Variants in ACTR8 observed in about 807,000 individuals in gnomAD.
ACTR8 encodes actin related protein 8.
ACTR8 carries 70 observed loss-of-function variants against 84.3 expected under a neutral mutation model. The ratio of observed to expected loss-of-function variants is 0.83; its 90% CI spans 0.68 to 1.01. The LOEUF is 1.01. ACTR8 is among the 50% of genes least tolerant of loss of function. The pLI, the probability that ACTR8 is intolerant of heterozygous loss-of-function variation, is 0.00. For missense variants in ACTR8, 672 were observed against 775.4 expected, an observed-to-expected ratio of 0.87 and a Z score of 1.58; for synonymous variants, 268 against 275.2, an observed-to-expected ratio of 0.97 and a Z score of 0.26.
At chr3:53,871,210 C>G in intron 11 of ACTR8, 22 bp downstream of exon 11, 3 of 1,599,184 alleles carry the variant, frequency 1.9e-6, no homozygotes, top group Non-Finnish European at 2.6e-6. Flanking sequence ...TGCTATCTCC[C>G]GGTCTCCCCA....
At position 53,870,218 on chromosome 3, in the gene ACTR8, C is replaced by G; in HGVS notation, c.1568-73G>C. Reference sequence around the variant, plus strand: ...ATTCTAGGCCAAGCCACCAACACCTCTTGCTTGAGCAAGTGCAATAGCCTT... The same window carrying G: ...ATTCTAGGCCAAGCCACCAACACCTGTTGCTTGAGCAAGTGCAATAGCCTT... On this transcript the variant is annotated intron_variant, in intron 11 of 12. Transcript: ENST00000335754. This position sits in a 1 kb window ranked among gnomAD's most constrained non-coding sequence, Gnocchi z 4.1. The G allele has an allele frequency of 6.5e-7, 1 of 1,548,426 alleles. No individual in the cohort carries two copies. Among genetic ancestry groups the G allele is most frequent in the South Asian group, 1.2e-5 (1 of 83,466 alleles).
Position 53,874,341 on chromosome 3 carries a change from G to C in ACTR8, c.935C>G (p.Ser312Cys). The C allele has an allele frequency of 6.2e-7, 1 of 1,614,008 alleles. No homozygotes were observed. Among genetic ancestry groups the C allele is most frequent in the Non-Finnish European group, 8.5e-7 (1 of 1,179,964 alleles). ...NTRLCLAYGG[S>C]DVSRCFYWLM... is the part of the protein sequence containing the mutation. The stretch of plus-strand genomic sequence containing the variant: ...CCAGTAAAAACATCTTGACACATCA[G>C]ATCCTCCGTATGCCAGACAAAGCCT... The change falls in exon 8 of 13, where the codon TCT (serine) becomes TGT (cysteine). Residue 312 changes from serine to cysteine, a missense_variant. Physicochemically the swap from Ser to Cys is moderately radical, Grantham distance 112. Transcript: ENST00000335754.
chr3:53,861,881 G>A, the ACTR8 span, among the ~76,000 whole-genome samples: 1 of 152,208 alleles, frequency 6.6e-6, no homozygotes, highest in African/African-American at 2.4e-5. Flanking sequence ...TAGTAAGGAA[G>A]AGAAGCATGC....
intron 8 of ACTR8, among the ~76,000 whole-genome samples, chr3:53,873,552 A>C (rs1699920719): frequency 6.6e-6 from 1 of 152,250 alleles, no homozygotes; most frequent in African/African-American, 2.4e-5. Context: ...ATATTAAGAA[A>C]GTGCTTCAAA....
At chr3:53,872,331 A>C in intron 10 of ACTR8, 53 bp downstream of exon 10, 2 of 1,501,586 alleles carry the variant, frequency 1.3e-6, no homozygotes, top group Non-Finnish European at 1.8e-6. Flanking sequence ...CTCTGGACAA[A>C]TTTCTCCTTC....
chr3:53,880,177 C>A, intron 1 of ACTR8, 68 bp from the exon 2 acceptor site: 1 of 1,474,240 alleles, frequency 6.8e-7, no homozygotes, highest in Non-Finnish European at 9.3e-7. Flanking sequence ...AAACAACATA[C>A]ACATAACAAG....
Position 53,876,090 on chromosome 3 carries a change from GA to G in ACTR8, c.779-11del, listed in dbSNP as rs1553706741. 1.9e-5 allele frequency: 30 copies of G among 1,589,314 alleles called. No individual in the cohort carries two copies. The highest frequency in any genetic ancestry group is 7.8e-5 in the South Asian group (7 of 89,970). On this transcript the variant is annotated splice_polypyrimidine_tract_variant and intron_variant, in intron 6 of 12. Coordinates refer to ENST00000335754, the MANE Select transcript of ACTR8 (RefSeq NM_022899.5). ...TGATGGACCACAATCCCTGGGGGGGGAAAAGAAAAGGCAGAGTAGTCATTAG... is the reference window on the plus strand; with the variant it reads ...TGATGGACCACAATCCCTGGGGGGGGAAAGAAAAGGCAGAGTAGTCATTAG...
At chr3:53,880,258 G>T in intron 1 of ACTR8, 149 bp from the exon 2 acceptor site, 1 of 761,290 alleles carries the variant, frequency 1.3e-6, no homozygotes, top group Non-Finnish European at 2.1e-6. Flanking sequence ...TCCAATTACC[G>T]CTCTCTACCT....
chr3:53,877,650 T>G lies in ACTR8; in HGVS notation c.507A>C (p.Glu169Asp). ...CTATTGTAAAGAAGTTTCTTACCTC[T>G]TCTCCTACTAAATACTCAGGGTGAT... Reference protein sequence around the residue: ...TSHHPEYLVGEEALYVNPLDC... With the variant: ...TSHHPEYLVGDEALYVNPLDC... Residue 169 changes from glutamate to aspartate, a missense_variant, in exon 4 of 13, where the codon GAA (glutamate) becomes GAC (aspartate). Glu to Asp is a conservative substitution (Grantham distance 45). Coordinates refer to ENST00000335754, the MANE Select transcript of ACTR8 (RefSeq NM_022899.5). 2 of 1,612,488 alleles carry G rather than the reference T, an allele frequency of 1.2e-6. No homozygotes were observed. Among genetic ancestry groups the G allele is most frequent in the Non-Finnish European group, 8.5e-7 (1 of 1,178,892 alleles).
At position 53,876,703 on chromosome 3, in the gene ACTR8, C is replaced by T; in HGVS notation, c.695G>A (p.Cys232Tyr). ...IPLKDLKYYR[C>Y]ILLIPDIYNK... The stretch of plus-strand genomic sequence containing the variant: ...ATAGATATCAGGAATTAACAAGATA[C>T]ATCTATAATACTAAAAAGAAGAACA... The change falls in exon 6 of 13, where the codon TGT (cysteine) becomes TAT (tyrosine). Residue 232 changes from cysteine (C) to tyrosine (Y), a missense_variant. Physicochemically the swap from Cys to Tyr is radical, Grantham distance 194. Transcript: ENST00000335754. 6.8e-7 allele frequency: 1 copy of T among 1,480,878 alleles called. No individual in the cohort carries two copies. Among genetic ancestry groups the T allele is most frequent in the South Asian group, 1.2e-5 (1 of 84,218 alleles). 91.7% of individuals were successfully genotyped at this position (1,480,878 alleles called of 1,614,324 possible). A position where few individuals can be genotyped will look rare whatever the true frequency, so the allele number is the denominator to read the frequency against.
intron 7 of ACTR8, among the ~76,000 whole-genome samples, chr3:53,874,571 A>G (rs1699938068): frequency 6.6e-6 from 1 of 152,114 alleles, no homozygotes; most frequent in Non-Finnish European, 1.5e-5. Flanking sequence ...TAAAAATACA[A>G]AAATTAGCCA....
chr3:53,874,402 G>A (rs753830769), intron 7 of ACTR8, 38 bp from the exon 8 acceptor site: 19 of 1,592,400 alleles, frequency 1.2e-5, no homozygotes, highest in African/African-American at 2.7e-5. Context: ...TTAATCTGTT[G>A]GTTAAGAAGG....
rs527592156 is a variant in ACTR8 at position 53,867,206 on chromosome 3, G to C, written c.*1513C>G. ...TTTGAAACAGCTCTACCAGTTATAA[G>C]AGCAATATGCTGTTAGGTGAAGAAC... On this transcript the variant is annotated 3_prime_UTR_variant, in exon 13 of 13. Coordinates refer to ENST00000335754, the MANE Select transcript of ACTR8 (RefSeq NM_022899.5). The C allele has an allele frequency of 1.3e-5, 2 of 152,332 alleles. No individual in the cohort carries two copies. Among genetic ancestry groups the C allele is most frequent in the African/African-American group, 4.8e-5 (2 of 41,576 alleles). The allele number at this position is 152,332 out of a possible 1,614,324, so 9.4% of individuals were successfully genotyped here. A position where few individuals can be genotyped will look rare whatever the true frequency, so the allele number is the denominator to read the frequency against.
Position 53,872,527 on chromosome 3 carries a change from G to A in ACTR8, c.1162-3C>T, listed in dbSNP as rs138389972. 1.3e-6 allele frequency: 2 copies of A among 1,584,402 alleles called. No individual in the cohort carries two copies. Among genetic ancestry groups the A allele is most frequent in the African/African-American group, 1.4e-5 (1 of 72,968 alleles). On this transcript the variant is annotated splice_region_variant and splice_polypyrimidine_tract_variant and intron_variant, in intron 9 of 12. Coordinates refer to ENST00000335754, the MANE Select transcript of ACTR8 (RefSeq NM_022899.5). ...GGGTAAAACAAAGCCATTGGAGCCT[G>A]TACATGAAGAAAAAGAGTGATCAAC...
At chr3:53,877,927 G>GT (rs1036645027) in intron 3 of ACTR8, among the ~76,000 whole-genome samples, 176 bp from the exon 4 acceptor site, 1 of 152,068 alleles carries the variant, frequency 6.6e-6, no homozygotes. Flanking sequence ...CAATCTTGGG[G>GT]TTCTTTTTCC....
At chr3:53,860,405 A>G in the ACTR8 span, 2 of 446,554 alleles carry the variant, frequency 4.5e-6, no homozygotes, top group Non-Finnish European at 7.9e-6. Flanking sequence ...TGGATTACAC[A>G]TGCCAGGTGA....
intron 7 of ACTR8, among the ~76,000 whole-genome samples, chr3:53,874,785 G>C (rs1183679443): frequency 2.6e-5 from 4 of 151,902 alleles, no homozygotes; most frequent in Admixed American, 2.6e-4. Context: ...GTGATATATA[G>C]CAAGTTTCAA....
At chr3:53,877,861 C>A in intron 3 of ACTR8, 110 bp from the exon 4 acceptor site, 1 of 859,086 alleles carries the variant, frequency 1.2e-6, no homozygotes, top group East Asian at 2.8e-5. Context: ...AAATTTTAAT[C>A]ACAAATATTT....
At chr3:53,865,584 T>TC (rs1699758256), downstream of ACTR8, 2 of 378,548 alleles carry the variant, frequency 5.3e-6, no homozygotes, top group Non-Finnish European at 9.6e-6. Context: ...CAATAAAGCA[T>TC]CTTCAGCCAA....
Sources: gnomAD v4.1 joint callset for allele counts (sites outside exome capture counted in the v4.1 genomes callset) on GRCh38, gnomAD v4.1.1 for gene constraint, Gnocchi (gnomAD v3.1) non-coding constraint, MANE v1.5 for transcripts, NCBI Gene and HGNC (gene_info 2026-07-23, HGNC 2026-07-21) for gene names.